CCR3: variants seen among roughly 807,000 people sequenced by gnomAD.
The protein encoded by CCR3 is C-C chemokine receptor type 3.
For missense variants in CCR3, 419 were observed against 437.5 expected, an observed-to-expected ratio of 0.96 and a Z score of 0.38; for synonymous variants, 203 against 179.2, an observed-to-expected ratio of 1.13 and a Z score of -1.06.
At chr3:46,215,158 G>C (rs1699760171) in intron 2 of CCR3, among the ~76,000 whole-genome samples, 1 of 152,166 alleles carries the variant, frequency 6.6e-6, no homozygotes, top group East Asian at 1.9e-4. Flanking sequence ...GTGTGTTCCT[G>C]TCACTTATTA....
At chr3:46,224,441 A>G (rs1355197715) in intron 2 of CCR3, among the ~76,000 whole-genome samples, 2 of 151,818 alleles carry the variant, frequency 1.3e-5, no homozygotes, top group Non-Finnish European at 2.9e-5. Flanking sequence ...CATCTCTAAT[A>G]AAAATACAAA....
chr3:46,232,785 TCTCA>T (rs2125925380), intron 2 of CCR3, among the ~76,000 whole-genome samples: 1 of 152,330 alleles, frequency 6.6e-6, no homozygotes, highest in African/African-American at 2.4e-5. Context: ...GCTTCCACGT[TCTCA>T]CTCCTGTCTC....
At chr3:46,238,513 G>A (rs1700045061), upstream of CCR3, among the ~76,000 whole-genome samples, 1 of 152,120 alleles carries the variant, frequency 6.6e-6, no homozygotes, top group African/African-American at 2.4e-5. Context: ...TTTTACCTAG[G>A]TATGTCCACC....
intron 2 of CCR3, among the ~76,000 whole-genome samples, chr3:46,233,186 A>G (rs1204301715): frequency 1.3e-5 from 2 of 152,226 alleles, no homozygotes; most frequent in African/African-American, 4.8e-5. Flanking sequence ...AGTGGAGGGA[A>G]CACAGAAATA....
chr3:46,225,709 C>T (rs1699887170), intron 2 of CCR3, among the ~76,000 whole-genome samples: 1 of 152,070 alleles, frequency 6.6e-6, no homozygotes, highest in Admixed American at 6.5e-5. Flanking sequence ...TCTGTATATC[C>T]TCTTCAGTGA....
chr3:46,216,390 G>C (rs1265931910), intron 2 of CCR3, among the ~76,000 whole-genome samples: 1 of 152,150 alleles, frequency 6.6e-6, no homozygotes, highest in Non-Finnish European at 1.5e-5. Flanking sequence ...GAGGAAGAAA[G>C]GGAATCTAAA....
At chr3:46,252,791 T>C (rs944565000) in intron 1 of CCR3, among the ~76,000 whole-genome samples, 3 of 152,178 alleles carry the variant, frequency 2.0e-5, no homozygotes, top group African/African-American at 7.2e-5. Context: ...TTGGCTCTTG[T>C]GTTTGCCATT....
In CCR3 at chr3:46,265,586, G is replaced by C. The variant is rs56177184; in HGVS notation, c.428G>C (p.Arg143Pro). The C allele has an allele frequency of 1.2e-6, 2 of 1,613,986 alleles. No homozygotes were observed. Among genetic ancestry groups the C allele is most frequent in the Non-Finnish European group, 1.7e-6 (2 of 1,179,982 alleles). The change falls in exon 2 of 2, where the codon CGA (arginine) becomes CCA (proline). Residue 143 changes from arginine to proline, a missense_variant. Physicochemically the swap from Arg to Pro is moderately radical, Grantham distance 103 (BLOSUM62 -2). Coordinates refer to ENST00000395940, the MANE Select transcript of CCR3 (RefSeq NM_178329.3). Reference protein sequence around the residue: ...LAIVHAVFALRARTVTFGVIT... With the variant: ...LAIVHAVFALPARTVTFGVIT... ...ATTGTCCATGCTGTGTTTGCCCTTC[G>C]AGCCCGGACTGTCACTTTTGGTGTC...
intron 2 of CCR3, among the ~76,000 whole-genome samples, chr3:46,225,185 A>G (rs936204133): frequency 2.6e-5 from 4 of 152,224 alleles, no homozygotes; most frequent in Admixed American, 6.5e-5. Flanking sequence ...GCAGTGATAG[A>G]AATAAAATAG....
At chr3:46,226,643 A>T (rs1699899871) in intron 2 of CCR3, among the ~76,000 whole-genome samples, 1 of 151,890 alleles carries the variant, frequency 6.6e-6, no homozygotes, top group African/African-American at 2.4e-5. Context: ...CCTTTTATTT[A>T]TTTTTCTTGT....
At chr3:46,221,139 C>T (rs867509745) in intron 2 of CCR3, among the ~76,000 whole-genome samples, 3 of 152,168 alleles carry the variant, frequency 2.0e-5, no homozygotes, top group South Asian at 2.1e-4. Flanking sequence ...AACTTGGCCA[C>T]GGAGAGTATT....
chr3:46,229,135 T>C (rs146898032), intron 2 of CCR3, among the ~76,000 whole-genome samples: 1 of 152,192 alleles, frequency 6.6e-6, no homozygotes, highest in Non-Finnish European at 1.5e-5. Context: ...GGGATATAGA[T>C]AGAAGTGATA....
intron 2 of CCR3, among the ~76,000 whole-genome samples, chr3:46,227,129 C>CT (rs1699909641): frequency 6.6e-6 from 1 of 152,098 alleles, no homozygotes. Context: ...ATCCCAGCCC[C>CT]TGCCTCAGCC....
intron 1 of CCR3, among the ~76,000 whole-genome samples, chr3:46,261,180 C>T (rs1700519339): frequency 6.6e-6 from 1 of 152,140 alleles, no homozygotes. Flanking sequence ...TAACACAATT[C>T]CACCCAAACT....
chr3:46,243,000 T>TACAC (rs1220210620), intron 1 of CCR3, among the ~76,000 whole-genome samples: 2,110 of 106,568 alleles, frequency 0.02, 58 homozygotes, highest in African/African-American at 0.031. Context: ...TATATATATA[T>TACAC]ATACGCACAC....
chr3:46,235,986 T>A lies in CCR3; in HGVS notation c.-67-6416T>A, dbSNP rs558720971. On this transcript the variant is annotated intron_variant, in intron 2 of 3. Coordinates refer to the CCR3 transcript ENST00000357422. ...ACTGGTTTGTTAACTCTTTTTCCTA[T>A]CCCTTTTCTCTTGATGTCAAATGTT... 4.6e-5 allele frequency among the ~76,000 whole-genome samples: 7 copies of A among 152,312 alleles called. No individual in the cohort carries two copies. In the East Asian group the frequency reaches 5.8e-4, roughly 13 times the overall value.
intron 2 of CCR3, among the ~76,000 whole-genome samples, chr3:46,234,040 G>A (rs1384949249): frequency 6.6e-6 from 1 of 152,266 alleles, no homozygotes; most frequent in Non-Finnish European, 1.5e-5. Flanking sequence ...ATGGACAGGG[G>A]GCAGTATGCC....
At chr3:46,234,091 A>G (rs1364841123) in intron 2 of CCR3, among the ~76,000 whole-genome samples, 1 of 152,242 alleles carries the variant, frequency 6.6e-6, no homozygotes, top group Non-Finnish European at 1.5e-5. Context: ...CACTGCTCAG[A>G]GTGCTCCTGA....
intron 2 of CCR3, among the ~76,000 whole-genome samples, chr3:46,215,784 G>T (rs1300585926): frequency 6.6e-6 from 1 of 152,204 alleles, no homozygotes; most frequent in Non-Finnish European, 1.5e-5. Flanking sequence ...ATGAATGAAT[G>T]GTGCCACAGA....
Sources: allele counts gnomAD v4.1 joint callset (sites outside exome capture counted in the v4.1 genomes callset), GRCh38; gene constraint gnomAD v4.1.1; transcripts MANE v1.5; gene names NCBI Gene and HGNC (gene_info 2026-07-23, HGNC 2026-07-21).